ZNF382: variants seen among roughly 807,000 people sequenced by gnomAD.
ZNF382 encodes the protein zinc finger protein 382, also known as KRAB/zinc finger suppressor protein 1.
A neutral mutation model predicts 38.8 loss-of-function variants in ZNF382; 20 were observed. The observed-to-expected ratio is 0.51, with a 90% CI of 0.36 to 0.75. The LOEUF is 0.75. Ranked by LOEUF, ZNF382 falls within the 30% of genes least tolerant of loss-of-function variation. The pLI is 0.00. For missense variants in ZNF382, 546 were observed against 654.1 expected (o/e 0.83, Z 1.80); for synonymous variants, 202 against 223.1 (o/e 0.91, Z 0.84).
At chr19:36,622,296 C>T (rs1008956160) in intron 4 of ZNF382, among the ~76,000 whole-genome samples, 14 of 152,130 alleles carry the variant, frequency 9.2e-5, no homozygotes, top group Non-Finnish European at 2.1e-4. Context: ...GCTGGAATTA[C>T]AGGCATGAGC....
In ZNF382 at chr19:36,632,687, G is replaced by C. The variant is rs2037261159; in HGVS notation, c.*5137G>C. ...TTATCCCAACCAAGAGTCAGAGCCA[G>C]ACATCTGGGCATCGTGGAGATAATT... On this transcript the variant is annotated 3_prime_UTR_variant, in exon 5 of 5. Coordinates refer to ENST00000292928, the MANE Select transcript of ZNF382 (RefSeq NM_032825.5). The C allele has an allele frequency of 6.6e-6, 1 of 152,260 alleles. No individual in the cohort carries two copies. The highest frequency in any genetic ancestry group is 1.5e-5 in the Non-Finnish European group (1 of 68,058). 9.4% of individuals were successfully genotyped at this position (152,260 alleles called of 1,614,324 possible).
intron 1 of ZNF382, 52 bp from the exon 2 acceptor site, chr19:36,607,500 C>G (rs2037044000): frequency 6.3e-6 from 7 of 1,106,684 alleles, no homozygotes; most frequent in Middle Eastern, 5.7e-4. Flanking sequence ...TCTGGGAGTT[C>G]TGAGTCAAGT....
chr19:36,614,919 C>CTTCCCTTCCCTTTCCGTTTCCCTTTCCG, intron 4 of ZNF382, among the ~76,000 whole-genome samples: 1 of 80,986 alleles, frequency 1.2e-5, no homozygotes, highest in East Asian at 2.7e-4. Context: ...CTTTCCTTCC[C>CTTCCCTTCCCTTTCCGTTTCCCTTTCCG]TTTCCCTTTC....
Position 36,627,597 on chromosome 19 carries a change from T to C in ZNF382, c.*47T>C. Reference sequence around the variant, plus strand: ...AAAAATGTTAAGTCATAGTAAACCCTGTAGATGATGTTGCTTGCAAGCGTA... The same window carrying C: ...AAAAATGTTAAGTCATAGTAAACCCCGTAGATGATGTTGCTTGCAAGCGTA... On this transcript the variant is annotated 3_prime_UTR_variant, in exon 5 of 5. Coordinates refer to ENST00000292928, the MANE Select transcript of ZNF382 (RefSeq NM_032825.5). The C allele has an allele frequency of 7.2e-7, 1 of 1,396,602 alleles. No homozygotes were observed. The highest frequency in any genetic ancestry group is 1.0e-6 in the Non-Finnish European group (1 of 1,000,868). The allele number at this position is 1,396,602 out of a possible 1,614,324, so 86.5% of individuals were successfully genotyped here.
chr19:36,629,552 T>A lies in ZNF382; in HGVS notation c.*2002T>A, dbSNP rs2145340498. 1.3e-5 allele frequency: 2 copies of A among 152,350 alleles called. No homozygotes were observed. The highest frequency in any genetic ancestry group is 6.8e-3 in the Middle Eastern group (2 of 294). 9.4% of individuals were successfully genotyped at this position (152,350 alleles called of 1,614,324 possible). The stretch of plus-strand genomic sequence containing the variant: ...GGCTTTTTAACTACAAACAGTTTTA[T>A]TTTTTATTTAATAAAAAAGTTTTTA... On this transcript the variant is annotated 3_prime_UTR_variant, in exon 5 of 5. Coordinates refer to ENST00000292928, the MANE Select transcript of ZNF382 (RefSeq NM_032825.5).
At chr19:36,618,108 T>G (rs943708970) in intron 4 of ZNF382, among the ~76,000 whole-genome samples, 1 of 152,210 alleles carries the variant, frequency 6.6e-6, no homozygotes, top group Non-Finnish European at 1.5e-5. Context: ...TTGCCTGTTT[T>G]TCCACTCTGC....
chr19:36,612,930 T>C (rs554633066), intron 4 of ZNF382, among the ~76,000 whole-genome samples: 2 of 152,198 alleles, frequency 1.3e-5, no homozygotes, highest in African/African-American at 2.4e-5. Context: ...TAGCTGGGAT[T>C]ACAGGCGTGC....
At chr19:36,625,248 C>T (rs560275360) in intron 4 of ZNF382, among the ~76,000 whole-genome samples, 22 of 150,666 alleles carry the variant, frequency 1.5e-4, no homozygotes, top group Admixed American at 1.3e-4. Context: ...AAATAAATTA[C>T]GGTTATATGG....
chr19:36,618,390 G>A (rs1264800363), intron 4 of ZNF382, among the ~76,000 whole-genome samples: 1 of 152,182 alleles, frequency 6.6e-6, no homozygotes, highest in Non-Finnish European at 1.5e-5. Flanking sequence ...CAGCAATGTA[G>A]TTAACCAAGG....
chr19:36,618,701 C>T (rs1158780546), intron 4 of ZNF382, among the ~76,000 whole-genome samples: 2 of 148,154 alleles, frequency 1.3e-5, no homozygotes, highest in African/African-American at 2.5e-5. Context: ...TTTTTTTTAT[C>T]AGCTGGAGGA....
intron 2 of ZNF382, chr19:36,609,115 A>G (rs555485727): frequency 7.9e-5 from 12 of 152,224 alleles, no homozygotes; most frequent in Non-Finnish European, 1.3e-4. Context: ...TCCTTAAAGC[A>G]ACAGACCCAA....
chr19:36,610,889 A>G, intron 4 of ZNF382, 147 bp downstream of exon 4: 2 of 561,120 alleles, frequency 3.6e-6, no homozygotes, highest in Non-Finnish European at 6.3e-6. Context: ...ATAGTTCAGT[A>G]GCATCAAGTA....
intron 4 of ZNF382, 97 bp from the exon 5 acceptor site, chr19:36,626,033 A>T: frequency 3.9e-6 from 3 of 778,998 alleles, no homozygotes; most frequent in South Asian, 4.3e-5. Context: ...TTTGTAGATC[A>T]CGGTAGTGAG....
At chr19:36,619,146 C>T (rs976821041) in intron 4 of ZNF382, among the ~76,000 whole-genome samples, 6 of 152,250 alleles carry the variant, frequency 3.9e-5, no homozygotes, top group African/African-American at 4.8e-5. Context: ...GAACTTTGTG[C>T]GCATATGTCT....
At chr19:36,607,731 T>G in intron 2 of ZNF382, 109 bp downstream of exon 2, 1 of 1,218,710 alleles carries the variant, frequency 8.2e-7, no homozygotes. Flanking sequence ...TTCCATGAAA[T>G]TAGTCTTCAG....
chr19:36,617,241 G>A (rs965846478), intron 4 of ZNF382, among the ~76,000 whole-genome samples: 1 of 152,120 alleles, frequency 6.6e-6, no homozygotes, highest in African/African-American at 2.4e-5. Flanking sequence ...AAAAACCCAG[G>A]AAGAAAGACT....
intron 1 of ZNF382, among the ~76,000 whole-genome samples, chr19:36,607,195 A>G (rs977669616): frequency 2.0e-5 from 3 of 152,164 alleles, no homozygotes; most frequent in Admixed American, 2.0e-4. Context: ...CACTACTATC[A>G]GTGTAAATTG....
At chr19:36,621,904 T>C (rs1294419993) in intron 4 of ZNF382, among the ~76,000 whole-genome samples, 2 of 152,140 alleles carry the variant, frequency 1.3e-5, no homozygotes, top group African/African-American at 4.8e-5. Context: ...ATGTTCCATA[T>C]ATACTTGCAA....
Position 36,629,529 on chromosome 19 carries a change from CT to C in ZNF382, c.*1984del, listed in dbSNP as rs1568633900. The C allele has an allele frequency of 1.3e-5, 2 of 152,100 alleles. No homozygotes were observed. The highest frequency in any genetic ancestry group is 1.9e-4 in the East Asian group (1 of 5,186). 9.4% of individuals were successfully genotyped at this position (152,100 alleles called of 1,614,324 possible). A position where few individuals can be genotyped will look rare whatever the true frequency, so the allele number is the denominator to read the frequency against. ...ATTCCTGGCCAACAAAATCATCAGG[CT>C]TTTTAACTACAAACAGTTTTATTTT... On this transcript the variant is annotated 3_prime_UTR_variant, in exon 5 of 5. Coordinates refer to ENST00000292928, the MANE Select transcript of ZNF382 (RefSeq NM_032825.5).
Sources: allele counts gnomAD v4.1 joint callset (sites outside exome capture counted in the v4.1 genomes callset), GRCh38; gene constraint gnomAD v4.1.1; transcripts MANE v1.5; gene names NCBI Gene and HGNC (gene_info 2026-07-23, HGNC 2026-07-21).